The following TENM3 variants were observed in gnomAD, a reference collection of about 807,000 sequenced individuals.
TENM3 encodes teneurin transmembrane protein 3.
In TENM3, 63 loss-of-function variants were observed where a neutral mutation model predicts 255.1. The ratio of observed to expected loss-of-function variants is 0.25; its 90% CI spans 0.20 to 0.30. The LOEUF is 0.30. Among genes scored for constraint, TENM3 ranks in the 10% least tolerant of loss-of-function variants. The probability of loss-of-function intolerance (pLI) is 1.00; values close to 1 mark genes in which losing one functional copy is unlikely to be tolerated. For missense variants in TENM3, 2,929 were observed against 3,461.1 expected (o/e 0.85, Z 3.86); for synonymous variants, 1,306 against 1,322.3 (o/e 0.99, Z 0.27).
At chr4:182,276,724 G>T (rs1261312014) in intron 1 of TENM3, among the ~76,000 whole-genome samples, 2 of 152,088 alleles carry the variant, frequency 1.3e-5, no homozygotes, top group Non-Finnish European at 2.9e-5. Context: ...ATTTTCTTAG[G>T]TTATCTGATT....
chr4:182,424,316 G>C (rs971018346), intron 3 of TENM3, among the ~76,000 whole-genome samples: 1 of 152,054 alleles, frequency 6.6e-6, no homozygotes, highest in African/African-American at 2.4e-5. Context: ...GAGCATTAAA[G>C]TACCTTAATA....
At chr4:182,095,173 G>A in the TENM3 span, among the ~76,000 whole-genome samples, 1 of 152,232 alleles carries the variant, frequency 6.6e-6, no homozygotes, top group East Asian at 1.9e-4. Context: ...TCGCACTGCT[G>A]GGTATATATC....
chr4:181,628,327 C>A, the TENM3 span, among the ~76,000 whole-genome samples: 3 of 152,118 alleles, frequency 2.0e-5, no homozygotes, highest in Non-Finnish European at 4.4e-5. Context: ...TGCAGAAGTT[C>A]TTTAGTTTAA....
the TENM3 span, among the ~76,000 whole-genome samples, chr4:181,662,627 C>T: frequency 6.6e-6 from 1 of 152,116 alleles, no homozygotes; most frequent in African/African-American, 2.4e-5. Flanking sequence ...ATGCCTTCTA[C>T]TGAATAATTT....
chr4:182,361,310 A>C, intron 3 of TENM3, among the ~76,000 whole-genome samples: 1 of 152,126 alleles, frequency 6.6e-6, no homozygotes. Flanking sequence ...TGTCCTGCAG[A>C]GTGTTTTCCA....
chr4:181,710,169 G>C, the TENM3 span, among the ~76,000 whole-genome samples: 1 of 152,088 alleles, frequency 6.6e-6, no homozygotes, highest in East Asian at 1.9e-4. Flanking sequence ...AATCAGAGAA[G>C]AGGCTTGAGG....
the TENM3 span, among the ~76,000 whole-genome samples, chr4:181,490,355 C>T: frequency 2.0e-5 from 3 of 152,182 alleles, no homozygotes; most frequent in African/African-American, 2.4e-5. Context: ...TCCACTTTGC[C>T]TGTTTTGCAA....
chr4:182,603,921 CTT>C (rs1446951875), intron 4 of TENM3, among the ~76,000 whole-genome samples: 1 of 151,926 alleles, frequency 6.6e-6, no homozygotes, highest in East Asian at 1.9e-4. Flanking sequence ...CCCCTTTTCT[CTT>C]TTCAGCACAA....
the TENM3 span, among the ~76,000 whole-genome samples, chr4:181,592,654 A>G: frequency 7.0e-6 from 1 of 143,754 alleles, no homozygotes; most frequent in African/African-American, 2.5e-5. Context: ...AGACTGCTGA[A>G]AATCTCTCTT....
chr4:182,458,689 T>G (rs1360951178), intron 3 of TENM3, among the ~76,000 whole-genome samples: 1 of 152,250 alleles, frequency 6.6e-6, no homozygotes, highest in Non-Finnish European at 1.5e-5. Flanking sequence ...ATGTTTACAT[T>G]TGCTACTGGG....
intron 3 of TENM3, among the ~76,000 whole-genome samples, chr4:182,548,479 G>A (rs188966558): frequency 2.6e-5 from 4 of 152,108 alleles, no homozygotes; most frequent in African/African-American, 9.7e-5. Context: ...TGCACAGGCC[G>A]AGGCAACTCT....
At chr4:181,576,811 CTT>C in the TENM3 span, among the ~76,000 whole-genome samples, 1 of 123,976 alleles carries the variant, frequency 8.1e-6, no homozygotes, top group Admixed American at 8.7e-5. Context: ...TCTTTCTTTT[CTT>C]TTTTTTTTTT....
chr4:181,839,923 A>G, the TENM3 span, among the ~76,000 whole-genome samples: 1 of 151,910 alleles, frequency 6.6e-6, no homozygotes, highest in Non-Finnish European at 1.5e-5. Context: ...AAATTGATTG[A>G]CGTCTTTTCA....
the TENM3 span, among the ~76,000 whole-genome samples, chr4:182,063,645 A>G: frequency 2.0e-5 from 3 of 152,368 alleles, no homozygotes; most frequent in South Asian, 2.1e-4. Flanking sequence ...CAGGTAATCT[A>G]TAAGAATTAT....
intron 5 of TENM3, among the ~76,000 whole-genome samples, chr4:182,630,358 A>C (rs1311059061): frequency 6.6e-6 from 1 of 152,076 alleles, no homozygotes; most frequent in African/African-American, 2.4e-5. Context: ...ATCAGCCATC[A>C]AGAGATTCTC....
the TENM3 span, among the ~76,000 whole-genome samples, chr4:181,634,461 C>CT: frequency 1.4e-5 from 2 of 146,014 alleles, no homozygotes; most frequent in South Asian, 4.3e-4. Flanking sequence ...GTGTGAAACA[C>CT]TTTTTTTTCA....
the TENM3 span, among the ~76,000 whole-genome samples, chr4:181,696,988 T>G: frequency 1.3e-5 from 2 of 152,226 alleles, no homozygotes; most frequent in Admixed American, 1.3e-4. Flanking sequence ...GATTTCATCT[T>G]GTTGTTGTTG....
intron 2 of TENM3, among the ~76,000 whole-genome samples, chr4:182,346,008 T>C (rs1214030276): frequency 6.6e-6 from 1 of 152,064 alleles, no homozygotes; most frequent in Admixed American, 6.6e-5. Context: ...GCAGCAAATT[T>C]TTTAGACGTT....
the TENM3 span, among the ~76,000 whole-genome samples, chr4:181,851,435 A>G: frequency 6.6e-6 from 1 of 152,196 alleles, no homozygotes; most frequent in African/African-American, 2.4e-5. Context: ...TAGCACTCCC[A>G]GAAGAGTAAA....
Sources: allele counts gnomAD v4.1 joint callset (sites outside exome capture counted in the v4.1 genomes callset), GRCh38; gene constraint gnomAD v4.1.1; transcripts MANE v1.5; gene names NCBI Gene and HGNC (gene_info 2026-07-23, HGNC 2026-07-21).